The following ONECUT3 variants were observed in gnomAD, a reference collection of about 807,000 sequenced individuals.
ONECUT3 encodes the protein one cut homeobox 3, also known as one cut domain family member 3.
ONECUT3 carries 11 observed loss-of-function variants against 16.8 expected under a neutral mutation model. The ratio of observed to expected loss-of-function variants is 0.66; its 90% CI spans 0.41 to 1.09. ONECUT3 has a LOEUF of 1.09. Among genes scored for constraint, ONECUT3 ranks in the 50% least tolerant of loss-of-function variants. ONECUT3 has a pLI of 0.00. For synonymous variants in ONECUT3, 344 were observed against 310.7 expected (o/e 1.11, Z -1.13); for missense variants, 637 against 629.9 (o/e 1.01, Z -0.12).
In ONECUT3 at chr19:1,759,306, C is replaced by CCCT. The variant is rs2067933810; in HGVS notation, c.1192+4452_1192+4453insCCT. Among the ~76,000 whole-genome samples, 5 of 152,056 alleles carry CCCT rather than the reference C, an allele frequency of 3.3e-5. No homozygotes were observed. Among genetic ancestry groups the CCCT allele is most frequent in the Admixed American group, 3.3e-4 (5 of 15,276 alleles). On this transcript the variant is annotated intron_variant, in intron 1 of 1. Coordinates refer to ENST00000382349, the MANE Select transcript of ONECUT3 (RefSeq NM_001080488.2). The surrounding 1 kb of genome is among the most constrained non-coding windows in gnomAD (Gnocchi z 4.1). Reference sequence around the variant, plus strand: ...GCAGAACCTCTTCCCCACCCAGGCTCATACAGGCCCTCCCTCCCCGGCTTC... The same window carrying CCCT: ...GCAGAACCTCTTCCCCACCCAGGCTCCCTATACAGGCCCTCCCTCCCCGGCTTC...
rs772428244 is a variant in ONECUT3, at chr19:1,768,998, ATGG to A, written c.1193-6151_1193-6149del. Among the ~76,000 whole-genome samples, 156 of 91,752 alleles carry A rather than the reference ATGG, an allele frequency of 1.7e-3. 3 individuals carry two copies. The highest frequency in any genetic ancestry group is 3.2e-3 in the African/African-American group (71 of 22,364). The allele number at this position is 91,752 out of a possible 152,430, so 60.2% of individuals were successfully genotyped here. A position where few individuals can be genotyped will look rare whatever the true frequency, so the allele number is the denominator to read the frequency against. On this transcript the variant is annotated intron_variant, in intron 1 of 1. Coordinates refer to ENST00000382349, the MANE Select transcript of ONECUT3 (RefSeq NM_001080488.2). Reference sequence around the variant, plus strand: ...GGAGGTGGAAGTGGAGGTGGAGGTGATGGTGGAGGTGGTGGAGGTGGAAGTGGA... The same window carrying A: ...GGAGGTGGAAGTGGAGGTGGAGGTGATGGAGGTGGTGGAGGTGGAAGTGGA...
rs1432598546 is a variant in ONECUT3 at position 1,777,029 on chromosome 19, AGAGAGAGAGAGG to A, written c.*1594_*1605del. Reference sequence around the variant, plus strand: ...TCCCGAACCTGAGAGCGAAAGAGAGAGAGAGAGAGAGGGAGAGAGAGGGAGAGAAAGGGAGAG... The same window carrying A: ...TCCCGAACCTGAGAGCGAAAGAGAGAGAGAGAGAGGGAGAGAAAGGGAGAG... On this transcript the variant is annotated 3_prime_UTR_variant, in exon 2 of 2. Coordinates refer to ENST00000382349, the MANE Select transcript of ONECUT3 (RefSeq NM_001080488.2). 30 of 89,042 alleles carry A rather than the reference AGAGAGAGAGAGG, an allele frequency of 3.4e-4. No homozygotes were observed. Among genetic ancestry groups the A allele is most frequent in the Non-Finnish European group, 4.6e-4 (20 of 43,680 alleles). The allele number at this position is 89,042 out of a possible 1,614,324, so 5.5% of individuals were successfully genotyped here.
At position 1,775,929 on chromosome 19, in the gene ONECUT3, G is replaced by A. The variant is rs1243750086; in HGVS notation, c.*484G>A. On this transcript the variant is annotated 3_prime_UTR_variant, in exon 2 of 2. Coordinates refer to ENST00000382349, the MANE Select transcript of ONECUT3 (RefSeq NM_001080488.2). ...AACTTCCTTCCTCCCCACCCGCCCC[G>A]GCCCCCTCCCCAGGGACCTCAGCCC... 2 of 32,526 alleles carry A rather than the reference G, an allele frequency of 6.1e-5. No homozygotes were observed. The highest frequency in any genetic ancestry group is 3.0e-4 in the Admixed American group (1 of 3,310). The allele number at this position is 32,526 out of a possible 1,614,324, so 2.0% of individuals were successfully genotyped here.
chr19:1,765,122 C>T (rs2067974370), intron 1 of ONECUT3, among the ~76,000 whole-genome samples: 2 of 152,108 alleles, frequency 1.3e-5, no homozygotes, highest in Admixed American at 1.3e-4. Flanking sequence ...TCGCCCATTG[C>T]TGCATCCTGG....
rs371692936 is a variant in ONECUT3, at chr19:1,759,335, C to T, written c.1192+4481C>T. On this transcript the variant is annotated intron_variant, in intron 1 of 1. Transcript: ENST00000382349. The surrounding 1 kb of genome is among the most constrained non-coding windows in gnomAD (Gnocchi z 4.1). ...CAGGCCCTCCCTCCCCGGCTTCTCC[C>T]CCCTACCCGCTGCCACCATCAAGGG... Among the ~76,000 whole-genome samples, 1 of 152,132 alleles carries T rather than the reference C, an allele frequency of 6.6e-6. No individual in the cohort carries two copies. The highest frequency in any genetic ancestry group is 1.9e-4 in the East Asian group (1 of 5,178).
chr19:1,778,883 C>CACACACACACAT lies in ONECUT3; in HGVS notation c.*3449_*3450insTACACACACACA, dbSNP rs2068132762. On this transcript the variant is annotated 3_prime_UTR_variant, in exon 2 of 2. Transcript: ENST00000382349. ...TCTTCGTATCACACACACACACACACACACACACACACACACACACACACA... is the reference window on the plus strand; with the variant it reads ...TCTTCGTATCACACACACACACACACACACACACACATACACACACACACACACACACACACA... 1 of 149,324 alleles carries CACACACACACAT rather than the reference C, an allele frequency of 6.7e-6. No homozygotes were observed. The highest frequency in any genetic ancestry group is 2.5e-5 in the African/African-American group (1 of 40,150). The allele number at this position is 149,324 out of a possible 1,614,324, so 9.2% of individuals were successfully genotyped here. A position where few individuals can be genotyped will look rare whatever the true frequency, so the allele number is the denominator to read the frequency against.
rs76686752 is a variant in ONECUT3, at chr19:1,755,664, C to G, written c.1192+810C>G. ...CACTTCTCTCCTCTCTCGGTCGGAACACACTGGTATCTCTATGTTTTTCTC... is the reference window on the plus strand; with the variant it reads ...CACTTCTCTCCTCTCTCGGTCGGAAGACACTGGTATCTCTATGTTTTTCTC... On this transcript the variant is annotated intron_variant, in intron 1 of 1. Coordinates refer to ENST00000382349, the MANE Select transcript of ONECUT3 (RefSeq NM_001080488.2). The surrounding 1 kb of genome is among the most constrained non-coding windows in gnomAD (Gnocchi z 7.5). Among the ~76,000 whole-genome samples the G allele has an allele frequency of 3.5e-3, 529 of 152,344 alleles. 4 individuals carry two copies. The highest frequency in any genetic ancestry group is 0.012 in the African/African-American group (499 of 41,578).
Position 1,753,935 on chromosome 19 carries a change from A to G in ONECUT3, c.273A>G (p.Ala91=). 1.0e-6 allele frequency: 1 copy of G among 983,894 alleles called. No homozygotes were observed. The highest frequency in any genetic ancestry group is 1.2e-6 in the Non-Finnish European group (1 of 831,436). 60.9% of individuals were successfully genotyped at this position (983,894 alleles called of 1,614,324 possible). A position where few individuals can be genotyped will look rare whatever the true frequency, so the allele number is the denominator to read the frequency against. ...RGELAGPLHP[A]MGMACEAPGL... Reference sequence around the variant, plus strand: ...AACTGGCGGGCCCGCTGCACCCGGCAATGGGCATGGCCTGCGAGGCGCCGG... The same window carrying G: ...AACTGGCGGGCCCGCTGCACCCGGCGATGGGCATGGCCTGCGAGGCGCCGG... Residue 91 remains alanine, a synonymous_variant, in exon 1 of 2, where the codon GCA becomes GCG. Transcript: ENST00000382349.
In ONECUT3 at chr19:1,757,972, C is replaced by A. The variant is rs528432397; in HGVS notation, c.1192+3118C>A. 3.9e-3 allele frequency among the ~76,000 whole-genome samples: 598 copies of A among 152,338 alleles called. 4 individuals carry two copies. The highest frequency in any genetic ancestry group is 0.014 in the African/African-American group (573 of 41,580). On this transcript the variant is annotated intron_variant, in intron 1 of 1. Coordinates refer to ENST00000382349, the MANE Select transcript of ONECUT3 (RefSeq NM_001080488.2). ...GCTCCGCGAGCACCGCGGGCCTCCC[C>A]AGGCCTCCTCCAAGGAGAACTTTGC...
chr19:1,764,800 G>T lies in ONECUT3; in HGVS notation c.1192+9946G>T, dbSNP rs987098961. On this transcript the variant is annotated intron_variant, in intron 1 of 1. Coordinates refer to ENST00000382349, the MANE Select transcript of ONECUT3 (RefSeq NM_001080488.2). This position sits in a 1 kb window ranked among gnomAD's most constrained non-coding sequence, Gnocchi z 5.0. ...CTGACTCGAGTCTGGAGAGGCCACGGGGGGGGGATGCGCAGGGGGGACAAG... is the reference window on the plus strand; with the variant it reads ...CTGACTCGAGTCTGGAGAGGCCACGTGGGGGGGATGCGCAGGGGGGACAAG... 1.4e-5 allele frequency among the ~76,000 whole-genome samples: 2 copies of T among 144,358 alleles called. No individual in the cohort carries two copies. The highest frequency in any genetic ancestry group is 2.8e-5 in the African/African-American group (1 of 35,850). 94.7% of individuals were successfully genotyped at this position (144,358 alleles called of 152,430 possible).
At position 1,762,154 on chromosome 19, in the gene ONECUT3, C is replaced by T. The variant is rs1268000365; in HGVS notation, c.1192+7300C>T. On this transcript the variant is annotated intron_variant, in intron 1 of 1. Transcript: ENST00000382349. The surrounding 1 kb of genome is among the most constrained non-coding windows in gnomAD (Gnocchi z 4.4). ...GACATCTGGAAGACGCCCCATCTCC[C>T]CCTGGACGCAGTGGCTGCGCCATCT... Among the ~76,000 whole-genome samples, 2 of 152,236 alleles carry T rather than the reference C, an allele frequency of 1.3e-5. No homozygotes were observed. The highest frequency in any genetic ancestry group is 2.9e-5 in the Non-Finnish European group (2 of 68,040).
Position 1,754,269 on chromosome 19 carries a change from C to CCG in ONECUT3, c.608_609insGC (p.Asn204ProfsTer132). 1 of 1,061,988 alleles carries CCG rather than the reference C, an allele frequency of 9.4e-7. No homozygotes were observed. Among genetic ancestry groups the CCG allele is most frequent in the Non-Finnish European group, 1.1e-6 (1 of 882,928 alleles). The allele number at this position is 1,061,988 out of a possible 1,614,324, so 65.8% of individuals were successfully genotyped here. The stretch of plus-strand genomic sequence containing the variant: ...CATGGGGTCGCCGCTGTCGCCGCTG[C>CCG]CCAACGCGCTGCCGCCCGCGCTGCA... On this transcript the variant is annotated frameshift_variant, in exon 1 of 2. Coordinates refer to ENST00000382349, the MANE Select transcript of ONECUT3 (RefSeq NM_001080488.2). LOFTEE classifies it high-confidence loss of function. This position sits in a 1 kb window ranked among gnomAD's most constrained non-coding sequence, Gnocchi z 7.4.
rs879431814 is a variant in ONECUT3 at position 1,774,820 on chromosome 19, C to T, written c.1193-333C>T. 3.3e-5 allele frequency among the ~76,000 whole-genome samples: 5 copies of T among 151,010 alleles called. No individual in the cohort carries two copies. The East Asian group carries it at 9.8e-4, about 30-fold the overall frequency. ...TGTCCTCCCCCCACCCCCACCGCAT[C>T]TGCTTTCCCTGCCTGTCCTCGCCTT... On this transcript the variant is annotated intron_variant, in intron 1 of 1. Coordinates refer to ENST00000382349, the MANE Select transcript of ONECUT3 (RefSeq NM_001080488.2).
chr19:1,758,025 GGCT>G lies in ONECUT3; in HGVS notation c.1192+3172_1192+3174del, dbSNP rs2067925954. Reference sequence around the variant, plus strand: ...CCCGGGTCTCCCGTCGCGCTTGCCCGGCTCGGGGCGGGCCACGCGTTTCCGCAG... The same window carrying G: ...CCCGGGTCTCCCGTCGCGCTTGCCCGCGGGGCGGGCCACGCGTTTCCGCAG... On this transcript the variant is annotated intron_variant, in intron 1 of 1. Coordinates refer to ENST00000382349, the MANE Select transcript of ONECUT3 (RefSeq NM_001080488.2). This position sits in a 1 kb window ranked among gnomAD's most constrained non-coding sequence, Gnocchi z 5.9. Among the ~76,000 whole-genome samples, 1 of 152,198 alleles carries G rather than the reference GGCT, an allele frequency of 6.6e-6. No individual in the cohort carries two copies. The highest frequency in any genetic ancestry group is 1.5e-5 in the Non-Finnish European group (1 of 68,024).
chr19:1,780,511 G>C lies in ONECUT3; in HGVS notation c.*5066G>C, dbSNP rs1320720338. 2.0e-5 allele frequency: 3 copies of C among 152,130 alleles called. No individual in the cohort carries two copies. The highest frequency in any genetic ancestry group is 4.8e-5 in the African/African-American group (2 of 41,346). The allele number at this position is 152,130 out of a possible 1,614,324, so 9.4% of individuals were successfully genotyped here. On this transcript the variant is annotated 3_prime_UTR_variant, in exon 2 of 2. Coordinates refer to ENST00000382349, the MANE Select transcript of ONECUT3 (RefSeq NM_001080488.2). The stretch of plus-strand genomic sequence containing the variant: ...GGGAGAGATGAGAGGGGCCGCTTTT[G>C]GGACAGGCCCCAGTAGGGGGGGGCG...
chr19:1,763,545 C>T (rs1369080776), intron 1 of ONECUT3, among the ~76,000 whole-genome samples: 2 of 151,510 alleles, frequency 1.3e-5, no homozygotes, highest in African/African-American at 4.8e-5. Flanking sequence ...GACCCTGTCT[C>T]AAAAAATGAT....
chr19:1,772,484 C>T (rs1234415060), intron 1 of ONECUT3, among the ~76,000 whole-genome samples: 1 of 152,146 alleles, frequency 6.6e-6, no homozygotes, highest in Non-Finnish European at 1.5e-5. Flanking sequence ...GCCACTGCAC[C>T]TGACCACATT....
At chr19:1,775,124 T>TTGCC in intron 1 of ONECUT3, 29 bp from the exon 2 acceptor site, 1 of 1,082,166 alleles carries the variant, frequency 9.2e-7, no homozygotes, top group Non-Finnish European at 1.3e-6. Context: ...TGTGTCCCGC[T>TTGCC]CGCCCGCCCG....
At position 1,777,432 on chromosome 19, in the gene ONECUT3, GCA is replaced by G. The variant is rs2068120269; in HGVS notation, c.*1991_*1992del. 2 of 135,374 alleles carry G rather than the reference GCA, an allele frequency of 1.5e-5. No homozygotes were observed. The highest frequency in any genetic ancestry group is 4.6e-4 in the South Asian group (2 of 4,324). 8.4% of individuals were successfully genotyped at this position (135,374 alleles called of 1,614,324 possible). On this transcript the variant is annotated 3_prime_UTR_variant, in exon 2 of 2. Transcript: ENST00000382349. ...CACACATGCAAAGACACGCATGCAGGCACACGCAGACGCACACAGAGACACAC... is the reference window on the plus strand; with the variant it reads ...CACACATGCAAAGACACGCATGCAGGCACGCAGACGCACACAGAGACACAC...
Sources: gnomAD v4.1 joint callset for allele counts (sites outside exome capture counted in the v4.1 genomes callset) on GRCh38, gnomAD v4.1.1 for gene constraint, Gnocchi (gnomAD v3.1) non-coding constraint, MANE v1.5 for transcripts, NCBI Gene and HGNC (gene_info 2026-07-23, HGNC 2026-07-21) for gene names.